Variants in CMKLR2 observed in about 807,000 individuals in gnomAD.
CMKLR2 encodes the protein chemerin chemokine-like receptor 2.
In CMKLR2, 18 loss-of-function variants were observed where a neutral mutation model predicts 23.0. The observed-to-expected ratio is 0.78, with a 90% confidence interval of 0.54 to 1.16. The LOEUF is 1.16. CMKLR2 is among the 50% of genes most tolerant of loss of function. The pLI, the probability that CMKLR2 is intolerant of heterozygous loss-of-function variation, is 0.00. For synonymous variants in CMKLR2, 158 were observed against 158.9 expected, an observed-to-expected ratio of 0.99 and a Z score of 0.05; for missense variants, 401 against 412.7, an observed-to-expected ratio of 0.97 and a Z score of 0.25.
intron 1 of CMKLR2, among the ~76,000 whole-genome samples, chr2:206,210,289 G>T (rs1689509182): frequency 6.6e-6 from 1 of 152,080 alleles, no homozygotes; most frequent in Admixed American, 6.6e-5. Flanking sequence ...GAGGATAATG[G>T]CTTCCAGCTC....
At chr2:206,182,412 T>C (rs1013618572) in intron 1 of CMKLR2, among the ~76,000 whole-genome samples, 1 of 152,206 alleles carries the variant, frequency 6.6e-6, no homozygotes, top group Non-Finnish European at 1.5e-5. Flanking sequence ...TAATTTCTTC[T>C]CTATTAGACT....
intron 1 of CMKLR2, among the ~76,000 whole-genome samples, chr2:206,181,260 T>G (rs939269132): frequency 6.6e-6 from 1 of 152,190 alleles, no homozygotes; most frequent in African/African-American, 2.4e-5. Context: ...TTTCACCATG[T>G]TGGCCAGGCT....
intron 1 of CMKLR2, among the ~76,000 whole-genome samples, chr2:206,179,373 C>T (rs1003280806): frequency 1.6e-5 from 2 of 124,970 alleles, no homozygotes; most frequent in Admixed American, 8.6e-5. Context: ...CCGCACCCAG[C>T]CTTTTTTTTT....
intron 1 of CMKLR2, among the ~76,000 whole-genome samples, chr2:206,189,242 C>T (rs140792486): frequency 2.0e-5 from 3 of 152,294 alleles, no homozygotes; most frequent in East Asian, 3.9e-4. Flanking sequence ...GTTCCTCACA[C>T]ACTCTGGTAA....
chr2:206,212,581 T>C (rs1191379067), intron 1 of CMKLR2, among the ~76,000 whole-genome samples: 2 of 152,234 alleles, frequency 1.3e-5, no homozygotes, highest in Admixed American at 6.5e-5. Flanking sequence ...AGACAATTGG[T>C]GCTCACAGTT....
chr2:206,185,926 C>T (rs907315968), intron 1 of CMKLR2, among the ~76,000 whole-genome samples: 1 of 152,094 alleles, frequency 6.6e-6, no homozygotes, highest in Admixed American at 6.6e-5. Flanking sequence ...AGTGATGAGC[C>T]ACCTTGCACC....
chr2:206,209,858 C>T (rs1459739465), intron 1 of CMKLR2, among the ~76,000 whole-genome samples: 2 of 151,632 alleles, frequency 1.3e-5, no homozygotes, highest in Admixed American at 6.6e-5. Context: ...CTGTGTTAGC[C>T]AGGATGGTCT....
upstream of CMKLR2, among the ~76,000 whole-genome samples, chr2:206,216,851 C>T (rs1029613535): frequency 2.0e-5 from 3 of 151,990 alleles, no homozygotes; most frequent in African/African-American, 7.2e-5. Flanking sequence ...TGGGTCATCC[C>T]CTCCCCTCCC....
chr2:206,180,402 C>T (rs116407209), intron 1 of CMKLR2, among the ~76,000 whole-genome samples: 136 of 151,648 alleles, frequency 9.0e-4, no homozygotes, highest in African/African-American at 3.1e-3. Flanking sequence ...CCTAGAGGCG[C>T]TGACCCCACA....
In CMKLR2 at chr2:206,179,385, T is replaced by A. The variant is rs1253026819; in HGVS notation, c.-28-2110A>T. ...CCACCGCACCCAGCCTTTTTTTTTT[T>A]TTTTTTTTTTTGAGACGGAGTCTTG... On this transcript the variant is annotated intron_variant, in intron 1 of 1. Coordinates refer to ENST00000621141, the MANE Select transcript of CMKLR2 (RefSeq NM_001389445.1). 2.1e-5 allele frequency among the ~76,000 whole-genome samples: 3 copies of A among 142,786 alleles called. No individual in the cohort carries two copies. In the East Asian group the frequency reaches 6.2e-4, roughly 29 times the overall value. The allele number at this position is 142,786 out of a possible 152,430, so 93.7% of individuals were successfully genotyped here.
In CMKLR2 at chr2:206,188,386, G is replaced by A. The variant is rs186256649; in HGVS notation, c.-28-11111C>T. ...TAACAATGCCAGGATAAGGCTTTTC[G>A]ACTTGACAGAAAAGAAGAAATAGCT... On this transcript the variant is annotated intron_variant, in intron 1 of 1. Coordinates refer to ENST00000621141, the MANE Select transcript of CMKLR2 (RefSeq NM_001389445.1). 4.1e-3 allele frequency among the ~76,000 whole-genome samples: 628 copies of A among 152,270 alleles called. 5 individuals carry two copies. The highest frequency in any genetic ancestry group is 0.017 in the Middle Eastern group (5 of 294).
intron 1 of CMKLR2, among the ~76,000 whole-genome samples, chr2:206,196,590 G>T (rs757597897): frequency 6.6e-6 from 1 of 152,144 alleles, no homozygotes; most frequent in Non-Finnish European, 1.5e-5. Context: ...AAAAGAAAGC[G>T]ACTTTGATTC....
intron 1 of CMKLR2, among the ~76,000 whole-genome samples, chr2:206,204,568 G>GT (rs967507420): frequency 3.6e-4 from 54 of 150,550 alleles, no homozygotes; most frequent in African/African-American, 7.3e-4. Flanking sequence ...TTTTGTTTTT[G>GT]TTTTTTTTGA....
intron 1 of CMKLR2, among the ~76,000 whole-genome samples, chr2:206,204,179 C>T (rs1430704554): frequency 2.6e-5 from 4 of 151,742 alleles, no homozygotes; most frequent in Non-Finnish European, 4.4e-5. Context: ...GGTGAAACCC[C>T]GTCTTTACTA....
rs1559080292 is a variant in CMKLR2, at chr2:206,176,200, G to C, written c.1048C>G (p.Leu350Val). 1 of 1,611,598 alleles carries C rather than the reference G, an allele frequency of 6.2e-7. No individual in the cohort carries two copies. Among genetic ancestry groups the C allele is most frequent in the Non-Finnish European group, 8.5e-7 (1 of 1,178,868 alleles). ...ATAACTTATTGAGCTGTTTCCAGGA[G>C]ACACAGATTCTTGGTTTCTGAGTTC... is the stretch of plus-strand genomic sequence containing the variant. ...LRNSETKNLC[L>V]LETAQ Residue 350 changes from leucine to valine, a missense_variant, in exon 2 of 2, where the codon CTC becomes GTC. Physicochemically the swap from Leu to Val is conservative, Grantham distance 32 (BLOSUM62 1). Coordinates refer to ENST00000621141, the MANE Select transcript of CMKLR2 (RefSeq NM_001389445.1).
Position 206,176,150 on chromosome 2 carries a change from C to A in CMKLR2, c.*30G>T, listed in dbSNP as rs935323994. On this transcript the variant is annotated 3_prime_UTR_variant, in exon 2 of 2. Transcript: ENST00000621141. ...TCAGTCAGAGGACCCACATAAAAAG[C>A]CATATACTGATTTGTGGAAAAGTAA... is the stretch of plus-strand genomic sequence containing the variant. 2.7e-6 allele frequency: 4 copies of A among 1,492,614 alleles called. No homozygotes were observed. The African/African-American group carries it at 5.6e-5, about 21-fold the overall frequency. The allele number at this position is 1,492,614 out of a possible 1,614,324, so 92.5% of individuals were successfully genotyped here.
Position 206,175,357 on chromosome 2 carries a change from T to C in CMKLR2, c.*823A>G, listed in dbSNP as rs191157437. On this transcript the variant is annotated 3_prime_UTR_variant, in exon 2 of 2. Transcript: ENST00000621141. ...AATTACTTTAATTCATAAATGTATATACATAGATTACATAAAGAAATTAAG... is the reference window on the plus strand; with the variant it reads ...AATTACTTTAATTCATAAATGTATACACATAGATTACATAAAGAAATTAAG... 11 of 152,352 alleles carry C rather than the reference T, an allele frequency of 7.2e-5. No individual in the cohort carries two copies. Among genetic ancestry groups the C allele is most frequent in the African/African-American group, 2.4e-4 (10 of 41,596 alleles). 9.4% of individuals were successfully genotyped at this position (152,352 alleles called of 1,614,324 possible).
chr2:206,214,632 A>AT (rs1014005064), upstream of CMKLR2, among the ~76,000 whole-genome samples: 27 of 146,866 alleles, frequency 1.8e-4, no homozygotes, highest in Admixed American at 6.1e-4. Flanking sequence ...TTTTATTATT[A>AT]TTTTTTTTTG....
intron 1 of CMKLR2, among the ~76,000 whole-genome samples, chr2:206,211,184 G>A (rs1416422662): frequency 6.6e-6 from 1 of 152,030 alleles, no homozygotes; most frequent in African/African-American, 2.4e-5. Flanking sequence ...CCACCCACGA[G>A]TGTTCCTCAA....
Sources: gnomAD v4.1 joint callset for allele counts (sites outside exome capture counted in the v4.1 genomes callset) on GRCh38, gnomAD v4.1.1 for gene constraint, MANE v1.5 for transcripts, NCBI Gene and HGNC (gene_info 2026-07-23, HGNC 2026-07-21) for gene names.